ELP4: variants seen among roughly 807,000 people sequenced by gnomAD.
ELP4 encodes elongator acetyltransferase complex subunit 4, also known as elongator complex protein 4.
Under a neutral mutation model 48.9 loss-of-function variants are expected in ELP4, and 51 were observed. The ratio of observed to expected loss-of-function variants is 1.04; its 90% CI spans 0.83 to 1.32. The LOEUF (loss-of-function observed/expected upper bound fraction) is 1.32. ELP4 is among the 40% of genes most tolerant of loss of function. ELP4 has a pLI of 0.00. For synonymous variants in ELP4, 210 were observed against 189.2 expected (o/e 1.11, Z -0.90); for missense variants, 519 against 514.6 (o/e 1.01, Z -0.08).
chr11:31,674,300 A>G (rs182842600), intron 9 of ELP4, among the ~76,000 whole-genome samples: 153 of 152,332 alleles, frequency 1.0e-3, no homozygotes, highest in African/African-American at 3.6e-3. Flanking sequence ...ATTTTATTTA[A>G]TAAAGATTCA....
At chr11:31,642,761 T>C (rs899202210) in intron 7 of ELP4, among the ~76,000 whole-genome samples, 6 of 151,852 alleles carry the variant, frequency 4.0e-5, no homozygotes, top group Non-Finnish European at 7.4e-5. Context: ...ACAGAATTAT[T>C]TTCCCACTAT....
chr11:31,787,183 G>T lies in ELP4; in HGVS notation c.*3659G>T. 1 of 232,686 alleles carries T rather than the reference G, an allele frequency of 4.3e-6. No homozygotes were observed. Among genetic ancestry groups the T allele is most frequent in the Non-Finnish European group, 8.5e-6 (1 of 117,754 alleles). The allele number at this position is 232,686 out of a possible 1,614,324, so 14.4% of individuals were successfully genotyped here. A position where few individuals can be genotyped will look rare whatever the true frequency, so the allele number is the denominator to read the frequency against. On this transcript the variant is annotated 3_prime_UTR_variant, in exon 10 of 10. Transcript: ENST00000640961. ...GGTGTGGGCAGAAGGCAAGGCAGCC[G>T]TTCCCATCCTGCCGGACCAGAGGGC...
intron 5 of ELP4, among the ~76,000 whole-genome samples, chr11:31,604,994 T>G (rs1413066783): frequency 6.6e-6 from 1 of 152,064 alleles, no homozygotes; most frequent in African/African-American, 2.4e-5. Flanking sequence ...TGCAGAAGTA[T>G]GAAGTCCCAT....
intron 9 of ELP4, chr11:31,663,459 TTACTA>T (rs1945604588): frequency 1.3e-5 from 2 of 152,044 alleles, no homozygotes; most frequent in Non-Finnish European, 2.9e-5. Flanking sequence ...TAAGATTTTT[TTACTA>T]TACAGTAAAT....
At chr11:31,668,302 A>G (rs1945722454) in intron 9 of ELP4, among the ~76,000 whole-genome samples, 1 of 152,154 alleles carries the variant, frequency 6.6e-6, no homozygotes, top group Admixed American at 6.5e-5. Context: ...GTGACAAAAA[A>G]CAATTATCCT....
intron 3 of ELP4, among the ~76,000 whole-genome samples, chr11:31,587,105 A>G (rs1957489296): frequency 6.6e-6 from 1 of 152,140 alleles, no homozygotes; most frequent in South Asian, 2.1e-4. Context: ...AGAAGTTCCT[A>G]TCGCTGCCCT....
intron 9 of ELP4, among the ~76,000 whole-genome samples, chr11:31,781,488 CTTTTTTTTTTTTTTTTTT>C (rs141365629): frequency 3.0e-5 from 2 of 67,414 alleles, no homozygotes; most frequent in South Asian, 7.2e-4. Context: ...ATTCCTGAGC[CTTTTTTTTTTTTTTTTTT>C]TTTTTTTTTT....
chr11:31,599,841 G>A (rs952218705), intron 4 of ELP4: 2 of 152,128 alleles, frequency 1.3e-5, no homozygotes, highest in African/African-American at 4.8e-5. Flanking sequence ...ATTACAATTT[G>A]AGTTGAGATT....
chr11:31,705,657 TTA>T, intron 9 of ELP4, among the ~76,000 whole-genome samples: 1 of 152,172 alleles, frequency 6.6e-6, no homozygotes. Flanking sequence ...ATAATAATGG[TTA>T]TGTCTTAGTT....
rs970589418 is a variant in ELP4, at chr11:31,692,495, G to A, written c.1143+42274G>A. Among the ~76,000 whole-genome samples the A allele has an allele frequency of 2.0e-5, 3 of 152,122 alleles. No individual in the cohort carries two copies. The South Asian group carries it at 6.2e-4, about 32-fold the overall frequency. ...GTTTCTGAATTGACCTAATCTTTGT[G>A]TAGAAAAGTACGCCATCAATTTTTC... On this transcript the variant is annotated intron_variant, in intron 9 of 9. Transcript: ENST00000640961.
intron 9 of ELP4, among the ~76,000 whole-genome samples, chr11:31,708,481 T>C (rs948048043): frequency 4.6e-5 from 7 of 152,160 alleles, no homozygotes; most frequent in Non-Finnish European, 8.8e-5. Context: ...TAACACCTCA[T>C]TCCCTGGCCT....
At chr11:31,599,998 A>C (rs1957750269) in intron 4 of ELP4, 1 of 152,164 alleles carries the variant, frequency 6.6e-6, no homozygotes, top group African/African-American at 2.4e-5. Flanking sequence ...TTGTGGCTTA[A>C]GATTAAATAA....
chr11:31,535,054 T>A (rs1366678869), intron 2 of ELP4, among the ~76,000 whole-genome samples: 1 of 152,180 alleles, frequency 6.6e-6, no homozygotes, highest in East Asian at 1.9e-4. Context: ...ACATTTTCCT[T>A]TGCCGTAACA....
chr11:31,528,941 A>C (rs1956345063), intron 2 of ELP4, among the ~76,000 whole-genome samples: 1 of 152,086 alleles, frequency 6.6e-6, no homozygotes, highest in African/African-American at 2.4e-5. Flanking sequence ...TCATAGACAA[A>C]TGGCAGATTG....
chr11:31,752,191 AGAT>A (rs2134240325), intron 9 of ELP4, among the ~76,000 whole-genome samples: 1 of 152,270 alleles, frequency 6.6e-6, no homozygotes, highest in African/African-American at 2.4e-5. Context: ...TGCTACTACT[AGAT>A]AAGATTTCTC....
chr11:31,741,714 A>T (rs1467933749), intron 9 of ELP4, among the ~76,000 whole-genome samples: 1 of 152,224 alleles, frequency 6.6e-6, no homozygotes, highest in African/African-American at 2.4e-5. Flanking sequence ...ACTAACAAAC[A>T]GAAAGGACAT....
intron 9 of ELP4, among the ~76,000 whole-genome samples, chr11:31,691,305 CAAG>C (rs1946275783): frequency 6.6e-6 from 1 of 151,830 alleles, no homozygotes. Context: ...ACATTACTGT[CAAG>C]AAAATATTAC....
rs1228957226 is a variant in ELP4 at position 31,784,225 on chromosome 11, C to T, written c.*701C>T. ...GGATTGAAATTCAAACTGACAGCTA[C>T]ATTAATGCTAGGATACCAGGAGAAA... On this transcript the variant is annotated 3_prime_UTR_variant, in exon 10 of 10. Transcript: ENST00000640961. 6.6e-6 allele frequency: 1 copy of T among 152,196 alleles called. No individual in the cohort carries two copies. The highest frequency in any genetic ancestry group is 1.5e-5 in the Non-Finnish European group (1 of 68,014). The allele number at this position is 152,196 out of a possible 1,614,324, so 9.4% of individuals were successfully genotyped here.
chr11:31,515,417 G>T (rs1231796791), intron 1 of ELP4, among the ~76,000 whole-genome samples: 1 of 152,160 alleles, frequency 6.6e-6, no homozygotes, highest in African/African-American at 2.4e-5. Context: ...GGAGGCCAAG[G>T]CTGGAGGCTA....
Sources: allele counts gnomAD v4.1 joint callset (sites outside exome capture counted in the v4.1 genomes callset), GRCh38; gene constraint gnomAD v4.1.1; transcripts MANE v1.5; gene names NCBI Gene and HGNC (gene_info 2026-07-23, HGNC 2026-07-21).